The following NPIPB2 variants were observed in gnomAD, a reference collection of about 807,000 sequenced individuals.
The protein encoded by NPIPB2 is nuclear pore complex-interacting protein family member B2.
In NPIPB2, 27 loss-of-function variants were observed where a neutral mutation model predicts 30.8. The ratio of observed to expected loss-of-function variants is 0.88; its 90% CI spans 0.65 to 1.21. NPIPB2 has a LOEUF of 1.21. Ranked by LOEUF, NPIPB2 falls within the 50% of genes most tolerant of loss-of-function variation. The probability of loss-of-function intolerance (pLI) is 0.00; values close to 1 mark genes in which losing one functional copy is unlikely to be tolerated. For synonymous variants in NPIPB2, 147 were observed against 162.0 expected (o/e 0.91, Z 0.70); for missense variants, 440 against 446.2 (o/e 0.99, Z 0.13).
At chr16:11,952,198 ATT>A in intron 1 of NPIPB2, among the ~76,000 whole-genome samples, 1 of 151,108 alleles carries the variant, frequency 6.6e-6, no homozygotes, top group East Asian at 1.9e-4. Context: ...AAAGAAAAAA[ATT>A]AGCTGGGTGT....
intron 1 of NPIPB2, chr16:11,956,168 G>C (rs1268343255): frequency 2.0e-5 from 3 of 152,358 alleles, no homozygotes; most frequent in East Asian, 1.9e-4. Flanking sequence ...ACAGCAGGTC[G>C]TAGGTGTCTC....
intron 1 of NPIPB2, chr16:11,967,902 G>C: frequency 6.4e-7 from 1 of 1,573,048 alleles, no homozygotes; most frequent in Non-Finnish European, 8.6e-7. Context: ...CAGAATAGAT[G>C]ATGTGTCAGA....
intron 1 of NPIPB2, among the ~76,000 whole-genome samples, chr16:11,948,751 A>G: frequency 8.3e-6 from 1 of 120,918 alleles, no homozygotes; most frequent in Admixed American, 1.1e-4. Flanking sequence ...TGGGTGACAG[A>G]GCGAGACTCC....
chr16:11,949,112 G>C (rs772647228), intron 1 of NPIPB2, among the ~76,000 whole-genome samples: 1 of 151,484 alleles, frequency 6.6e-6, no homozygotes, highest in Non-Finnish European at 1.5e-5. Flanking sequence ...TGCTGTGATC[G>C]GGCCACTCTA....
At chr16:11,965,459 G>C (rs753323763) in intron 1 of NPIPB2, 3 of 1,613,700 alleles carry the variant, frequency 1.9e-6, no homozygotes, top group East Asian at 2.2e-5. Flanking sequence ...ATGCAAGTAA[G>C]TAATATTGCT....
At chr16:11,945,374 G>A (rs562510764), upstream of NPIPB2, among the ~76,000 whole-genome samples, 3 of 151,808 alleles carry the variant, frequency 2.0e-5, no homozygotes, top group Non-Finnish European at 2.9e-5. Context: ...TAGTGAGACC[G>A]TGTTTCAAAA....
chr16:11,961,258 A>T (rs2055150758), intron 1 of NPIPB2, among the ~76,000 whole-genome samples: 1 of 152,102 alleles, frequency 6.6e-6, no homozygotes, highest in Admixed American at 6.6e-5. Flanking sequence ...GCAGAGGCTG[A>T]GGGAGTGGAG....
chr16:11,961,331 C>T (rs187480095), intron 1 of NPIPB2, among the ~76,000 whole-genome samples: 1 of 152,266 alleles, frequency 6.6e-6, no homozygotes, highest in East Asian at 1.9e-4. Context: ...CCACTTACCT[C>T]ACCACCTGGA....
intron 1 of NPIPB2, among the ~76,000 whole-genome samples, chr16:11,940,876 C>T (rs1410788724): frequency 4.7e-5 from 7 of 149,262 alleles, no homozygotes; most frequent in African/African-American, 1.5e-4. Flanking sequence ...GGGGCCATCT[C>T]GGCTCACTGC....
At chr16:11,944,245 C>T (rs2150921422), upstream of NPIPB2, among the ~76,000 whole-genome samples, 1 of 150,756 alleles carries the variant, frequency 6.6e-6, no homozygotes, top group Non-Finnish European at 1.5e-5. Flanking sequence ...TCTCGGCTCA[C>T]TGAAACCTCC....
chr16:11,973,559 C>A (rs1222611648), intron 1 of NPIPB2, among the ~76,000 whole-genome samples: 1 of 152,090 alleles, frequency 6.6e-6, no homozygotes, highest in African/African-American at 2.4e-5. Flanking sequence ...AGTTCAGCAG[C>A]TTATAAATTA....
chr16:11,956,429 G>A (rs2055113419), intron 1 of NPIPB2, among the ~76,000 whole-genome samples: 2 of 152,156 alleles, frequency 1.3e-5, no homozygotes, highest in African/African-American at 4.8e-5. Flanking sequence ...TAATTTCAGC[G>A]CTTTGGGAGG....
intron 2 of NPIPB2, among the ~76,000 whole-genome samples, chr16:11,935,624 T>A (rs1384641839): frequency 6.6e-6 from 1 of 152,062 alleles, no homozygotes; most frequent in East Asian, 1.9e-4. Flanking sequence ...TGAAATAATA[T>A]CTTTCAAATT....
At chr16:11,973,357 T>C (rs1257246340) in intron 1 of NPIPB2, among the ~76,000 whole-genome samples, 1 of 152,106 alleles carries the variant, frequency 6.6e-6, no homozygotes, top group African/African-American at 2.4e-5. Context: ...TTTTGGTTTA[T>C]AGCCATGATT....
exon 8 of NPIPB2, chr16:11,927,774 G>A (rs1305576234): frequency 1.1e-5 from 17 of 1,590,918 alleles, no homozygotes; most frequent in Middle Eastern, 2.3e-4. Context: ...TGTTGAGTTG[G>A]AGGAGGTGGC....
chr16:11,927,646 G>C (rs954815656), exon 8 of NPIPB2: 1 of 1,598,798 alleles, frequency 6.3e-7, no homozygotes, highest in African/African-American at 1.4e-5. Context: ...AGGGTGGAAG[G>C]GGAGTGAGCA....
chr16:11,966,835 A>G (rs1414532668), intron 1 of NPIPB2, among the ~76,000 whole-genome samples: 1 of 152,158 alleles, frequency 6.6e-6, no homozygotes, highest in Non-Finnish European at 1.5e-5. Context: ...TCTAAAAAAT[A>G]ATTATTTTTA....
chr16:11,946,091 A>G (rs978520428), upstream of NPIPB2, among the ~76,000 whole-genome samples: 1 of 151,916 alleles, frequency 6.6e-6, no homozygotes, highest in East Asian at 1.9e-4. Context: ...GGAAGGAAGG[A>G]AAGAACCCAG....
chr16:11,967,625 T>A, intron 1 of NPIPB2: 1 of 1,614,196 alleles, frequency 6.2e-7, no homozygotes, highest in Non-Finnish European at 8.5e-7. Flanking sequence ...GGACTGGTGA[T>A]GAAATTATTC....
Sources: allele counts gnomAD v4.1 joint callset (sites outside exome capture counted in the v4.1 genomes callset), GRCh38; gene constraint gnomAD v4.1.1; transcripts MANE v1.5; gene names NCBI Gene and HGNC (gene_info 2026-07-23, HGNC 2026-07-21).